The following SPATA6 variants were observed in gnomAD, a reference collection of about 807,000 sequenced individuals.
SPATA6 encodes the protein spermatogenesis associated 6.
SPATA6 carries 56 observed loss-of-function variants against 65.3 expected under a neutral mutation model. That is an observed-to-expected ratio of 0.86 (90% confidence interval 0.69 to 1.07). The LOEUF (loss-of-function observed/expected upper bound fraction) is 1.07, where lower values mean the gene tolerates loss of function less well. Among genes scored for constraint, SPATA6 ranks in the 50% least tolerant of loss-of-function variants. SPATA6 has a pLI of 0.00. For missense variants in SPATA6, 590 were observed against 594.8 expected, an observed-to-expected ratio of 0.99 and a Z score of 0.08; for synonymous variants, 199 against 213.2, an observed-to-expected ratio of 0.93 and a Z score of 0.58.
chr1:48,359,830 A>ATTATATAG, intron 9 of SPATA6, 60 bp from the exon 10 acceptor site: 1 of 1,309,606 alleles, frequency 7.6e-7, no homozygotes, highest in Non-Finnish European at 1.0e-6. Flanking sequence ...TATATAACAT[A>ATTATATAG]TTATATAGTA....
chr1:48,442,536 A>T (rs1485209606), intron 3 of SPATA6, among the ~76,000 whole-genome samples: 1 of 151,832 alleles, frequency 6.6e-6, no homozygotes, highest in African/African-American at 2.4e-5. Flanking sequence ...AGAGAAAGGG[A>T]CAGAAAGTCA....
intron 1 of SPATA6, among the ~76,000 whole-genome samples, chr1:48,466,799 A>T (rs2787872): frequency 6.6e-5 from 10 of 152,006 alleles, no homozygotes; most frequent in Non-Finnish European, 7.4e-5. Flanking sequence ...AAAGATAAAT[A>T]TTCAGATGAG....
At chr1:48,400,922 A>G (rs1651102108) in intron 6 of SPATA6, 2 of 784,168 alleles carry the variant, frequency 2.6e-6, no homozygotes, top group Non-Finnish European at 3.4e-6. Flanking sequence ...ACAGACTTAC[A>G]GAAGCAAAGA....
At chr1:48,265,881 A>G in the SPATA6 span, among the ~76,000 whole-genome samples, 1 of 152,194 alleles carries the variant, frequency 6.6e-6, no homozygotes, top group Non-Finnish European at 1.5e-5. Flanking sequence ...ATCCCCCTAA[A>G]TAGATTAATA....
At chr1:48,348,257 C>T (rs1396435732) in intron 11 of SPATA6, among the ~76,000 whole-genome samples, 1 of 152,002 alleles carries the variant, frequency 6.6e-6, no homozygotes, top group Non-Finnish European at 1.5e-5. Flanking sequence ...GCAAGCTCTA[C>T]TTCCTGTAGG....
At chr1:48,302,894 C>T (rs1228716173) in intron 12 of SPATA6, among the ~76,000 whole-genome samples, 1 of 151,998 alleles carries the variant, frequency 6.6e-6, no homozygotes, top group Non-Finnish European at 1.5e-5. Context: ...AGTATTAAAA[C>T]TTCAGTCCTC....
At position 48,453,080 on chromosome 1, in the gene SPATA6, T is replaced by A. The variant is rs1656722047; in HGVS notation, c.103A>T (p.Ile35Phe). 1 of 1,613,892 alleles carries A rather than the reference T, an allele frequency of 6.2e-7. No individual in the cohort carries two copies. Among genetic ancestry groups the A allele is most frequent in the Non-Finnish European group, 8.5e-7 (1 of 1,179,986 alleles). Residue 35 changes from isoleucine (I) to phenylalanine (F), a missense_variant, in exon 2 of 13, where the codon ATC (isoleucine) becomes TTC (phenylalanine). Ile to Phe is a conservative substitution (Grantham distance 21). Transcript: ENST00000371847. ...TTTTTGTATTGGCCAAACACACAGA[T>A]GCTAAGATAGATGTCCTCTTTGTCT... is the stretch of plus-strand genomic sequence containing the variant. ...LKDKEDIYLS[I>F]CVFGQYKKTQ...
intron 3 of SPATA6, among the ~76,000 whole-genome samples, chr1:48,415,115 C>A (rs558823691): frequency 1.3e-5 from 2 of 152,096 alleles, no homozygotes; most frequent in South Asian, 4.2e-4. Context: ...ACTATATGTG[C>A]GTTCAGGGAA....
intron 1 of SPATA6, among the ~76,000 whole-genome samples, chr1:48,454,007 C>CTT (rs1220446870): frequency 2.2e-5 from 3 of 137,472 alleles, no homozygotes; most frequent in Non-Finnish European, 3.2e-5. Flanking sequence ...ATCATATATT[C>CTT]TTTTTTTTTT....
intron 5 of SPATA6, among the ~76,000 whole-genome samples, chr1:48,405,500 A>C (rs1651617037): frequency 6.6e-6 from 1 of 152,150 alleles, no homozygotes; most frequent in Non-Finnish European, 1.5e-5. Context: ...GGAGTTTGAG[A>C]ATCTGCTTCT....
chr1:48,428,635 G>A (rs1654067512), intron 3 of SPATA6, among the ~76,000 whole-genome samples: 1 of 152,054 alleles, frequency 6.6e-6, no homozygotes, highest in Admixed American at 6.6e-5. Context: ...CTTCATCCTT[G>A]TCTTCACATT....
intron 8 of SPATA6, among the ~76,000 whole-genome samples, chr1:48,394,841 T>C (rs746310695): frequency 3.9e-5 from 6 of 151,976 alleles, no homozygotes; most frequent in Non-Finnish European, 7.4e-5. Flanking sequence ...ATCTTCATAT[T>C]GAACTTAAGA....
chr1:48,442,102 A>G (rs1470478826), intron 3 of SPATA6, among the ~76,000 whole-genome samples: 1 of 151,948 alleles, frequency 6.6e-6, no homozygotes, highest in South Asian at 2.1e-4. Context: ...CTTAACCTAT[A>G]TAACGATGGA....
Position 48,330,871 on chromosome 1 carries a change from C to T in SPATA6, c.1194+24799G>A, listed in dbSNP as rs888177966. On this transcript the variant is annotated intron_variant, in intron 11 of 12. Coordinates refer to ENST00000371847, the MANE Select transcript of SPATA6 (RefSeq NM_019073.4). ...AAACAGCAGACTATGGGCAAGGACACAGCTAGCTGGCCAACTGAAGGCCCA... is the reference window on the plus strand; with the variant it reads ...AAACAGCAGACTATGGGCAAGGACATAGCTAGCTGGCCAACTGAAGGCCCA... 5.9e-5 allele frequency among the ~76,000 whole-genome samples: 9 copies of T among 152,188 alleles called. No homozygotes were observed. The East Asian group carries it at 9.6e-4, about 16-fold the overall frequency.
intron 11 of SPATA6, chr1:48,344,290 A>G (rs1438108914): frequency 6.6e-6 from 1 of 152,166 alleles, no homozygotes; most frequent in East Asian, 1.9e-4. Context: ...GATGACACAC[A>G]AATTTACGAA....
intron 9 of SPATA6, among the ~76,000 whole-genome samples, chr1:48,365,824 C>A (rs1440581095): frequency 6.6e-6 from 1 of 152,152 alleles, no homozygotes; most frequent in Admixed American, 6.5e-5. Flanking sequence ...GAACTTCCAA[C>A]ACTATGTTGA....
At chr1:48,460,027 G>A (rs1019457502) in intron 1 of SPATA6, among the ~76,000 whole-genome samples, 1 of 152,000 alleles carries the variant, frequency 6.6e-6, no homozygotes, top group Non-Finnish European at 1.5e-5. Flanking sequence ...CTAGAATGCA[G>A]TGGCATGATC....
At chr1:48,435,754 G>A (rs564500105) in intron 3 of SPATA6, among the ~76,000 whole-genome samples, 44 of 151,892 alleles carry the variant, frequency 2.9e-4, no homozygotes, top group Non-Finnish European at 4.4e-4. Context: ...CCCGCGCCCC[G>A]CACCGGGAGC....
At chr1:48,302,388 C>A (rs972079558) in intron 12 of SPATA6, among the ~76,000 whole-genome samples, 2 of 152,146 alleles carry the variant, frequency 1.3e-5, no homozygotes, top group African/African-American at 2.4e-5. Context: ...CACCTTCCCA[C>A]CTTTTAGAAT....
Sources: allele counts gnomAD v4.1 joint callset (sites outside exome capture counted in the v4.1 genomes callset), GRCh38; gene constraint gnomAD v4.1.1; transcripts MANE v1.5; gene names NCBI Gene and HGNC (gene_info 2026-07-23, HGNC 2026-07-21).